ANKRD17: variants seen among roughly 807,000 people sequenced by gnomAD.
ANKRD17 encodes ankyrin repeat domain 17.
Under a neutral mutation model 229.7 loss-of-function variants are expected in ANKRD17, and 19 were observed. That is an observed-to-expected ratio of 0.08 (90% confidence interval 0.06 to 0.12). The LOEUF (loss-of-function observed/expected upper bound fraction) is 0.12. Ranked by LOEUF, ANKRD17 falls within the 10% of genes least tolerant of loss-of-function variation. The pLI, the probability that ANKRD17 is intolerant of heterozygous loss-of-function variation, is 1.00. For synonymous variants in ANKRD17, 1,112 were observed against 1,146.1 expected (o/e 0.97, Z 0.60); for missense variants, 2,176 against 3,176.8 (o/e 0.68, Z 7.57).
intron 30 of ANKRD17, among the ~76,000 whole-genome samples, chr4:73,083,973 TATAACTTCCTTAAGGG>T (rs1005492106): frequency 1.3e-5 from 2 of 151,474 alleles, no homozygotes; most frequent in Non-Finnish European, 2.9e-5. Context: ...GAAGTCTTAC[TATAACTTCCTTAAGGG>T]ATAAGCAATT....
chr4:73,235,846 G>A (rs899168657), intron 1 of ANKRD17, among the ~76,000 whole-genome samples: 1 of 151,652 alleles, frequency 6.6e-6, no homozygotes. Context: ...GGGAAGGTTC[G>A]TAATGATTTA....
chr4:73,085,367 T>C lies in ANKRD17; in HGVS notation c.7041A>G (p.Ser2347=). The change falls in exon 30 of 34, where the codon TCA becomes TCG. Residue 2347 remains serine (S), a synonymous_variant. Coordinates refer to ENST00000358602, the MANE Select transcript of ANKRD17 (RefSeq NM_032217.5). ...CCCCAGGTCCGTACATCTGACCTCC[T>C]GAAATGTTTGAAGCAAAGTTTCCCA... is the stretch of plus-strand genomic sequence containing the variant. ...THLGNFASNI[S]GGQMYGPGAP... is the part of the protein sequence containing the mutation. The C allele has an allele frequency of 6.2e-7, 1 of 1,614,128 alleles. No individual in the cohort carries two copies. Among genetic ancestry groups the C allele is most frequent in the Non-Finnish European group, 8.5e-7 (1 of 1,180,020 alleles).
chr4:73,201,699 T>C (rs538690552), intron 1 of ANKRD17, among the ~76,000 whole-genome samples: 66 of 152,320 alleles, frequency 4.3e-4, no homozygotes, highest in African/African-American at 1.5e-3. Context: ...TTCCATGTCA[T>C]TCCTAAAGAG....
rs56986647 is a variant in ANKRD17 at position 73,125,732 on chromosome 4, C to CA, written c.3235-421dup. 8.8e-3 allele frequency among the ~76,000 whole-genome samples: 595 copies of CA among 67,948 alleles called. 2 individuals carry two copies. Among genetic ancestry groups the CA allele is most frequent in the South Asian group, 0.022 (36 of 1,674 alleles). 44.6% of individuals were successfully genotyped at this position (67,948 alleles called of 152,430 possible). On this transcript the variant is annotated intron_variant, in intron 16 of 33. Coordinates refer to ENST00000358602, the MANE Select transcript of ANKRD17 (RefSeq NM_032217.5). The stretch of plus-strand genomic sequence containing the variant: ...TGGGTGACAAAGCGAGACTCCGTCT[C>CA]AAAAAAAAAAAAAAAAAGAAAAGAA...
chr4:73,097,979 G>T, intron 26 of ANKRD17, 94 bp downstream of exon 26: 1 of 1,178,296 alleles, frequency 8.5e-7, no homozygotes. Flanking sequence ...ATCCTATTTT[G>T]CAAGTTGCAA....
chr4:73,186,977 C>CACAT (rs1736383735), intron 1 of ANKRD17, among the ~76,000 whole-genome samples: 1 of 151,864 alleles, frequency 6.6e-6, no homozygotes, highest in African/African-American at 2.4e-5. Context: ...CACACACACA[C>CACAT]ATATATACAC....
intron 20 of ANKRD17, among the ~76,000 whole-genome samples, chr4:73,120,541 C>CAAA (rs34780921): frequency 4.2e-5 from 5 of 118,046 alleles, no homozygotes; most frequent in African/African-American, 1.3e-4. Flanking sequence ...AACGGTATTG[C>CAAA]AAAAAAAAAA....
chr4:73,244,619 T>C (rs1329932896), intron 1 of ANKRD17, among the ~76,000 whole-genome samples: 3 of 152,190 alleles, frequency 2.0e-5, no homozygotes, highest in Non-Finnish European at 4.4e-5. Context: ...CCTGAAGGTC[T>C]ACCTCTGGAG....
chr4:73,144,541 C>T (rs1425152306), intron 11 of ANKRD17, among the ~76,000 whole-genome samples: 1 of 152,140 alleles, frequency 6.6e-6, no homozygotes, highest in Non-Finnish European at 1.5e-5. Context: ...AAGTGTGCTA[C>T]TTGGTATGAC....
chr4:73,246,435 C>T (rs1257091777), intron 1 of ANKRD17, among the ~76,000 whole-genome samples: 1 of 152,076 alleles, frequency 6.6e-6, no homozygotes. Context: ...TCACTTGGAG[C>T]TGTATGTAGT....
intron 24 of ANKRD17, among the ~76,000 whole-genome samples, chr4:73,111,827 T>C (rs1243629001): frequency 6.6e-6 from 1 of 152,226 alleles, no homozygotes; most frequent in Non-Finnish European, 1.5e-5. Flanking sequence ...GAACATTTAT[T>C]CATTCAACAA....
chr4:73,084,157 A>G (rs28649614), intron 30 of ANKRD17, among the ~76,000 whole-genome samples: 148,973 of 152,174 alleles, frequency 0.98, 72,986 homozygotes, highest in East Asian at 1. Context: ...CGAGGTGGGC[A>G]GATCATGAGA....
intron 1 of ANKRD17, among the ~76,000 whole-genome samples, chr4:73,229,556 C>CA (rs955060799): frequency 5.4e-5 from 8 of 149,322 alleles, no homozygotes; most frequent in African/African-American, 7.4e-5. Context: ...AAATCCTTAT[C>CA]AAAAAAAACA....
chr4:73,179,488 G>GTATATA (rs1169079744), intron 1 of ANKRD17, among the ~76,000 whole-genome samples: 38 of 48,206 alleles, frequency 7.9e-4, no homozygotes, highest in South Asian at 6.3e-3. Flanking sequence ...GTGTGTGTGT[G>GTATATA]TATATATATA....
intron 1 of ANKRD17, among the ~76,000 whole-genome samples, chr4:73,235,472 C>A (rs1431457353): frequency 6.6e-6 from 1 of 152,188 alleles, no homozygotes; most frequent in Admixed American, 6.5e-5. Flanking sequence ...CTAATGAGGT[C>A]CTTTTGTTCC....
chr4:73,253,476 T>G (rs1189528907), intron 1 of ANKRD17, among the ~76,000 whole-genome samples: 1 of 152,242 alleles, frequency 6.6e-6, no homozygotes, highest in Non-Finnish European at 1.5e-5. Context: ...TATTAACTCA[T>G]TTAACTCTCA....
At chr4:73,206,746 A>T (rs763502179) in intron 1 of ANKRD17, among the ~76,000 whole-genome samples, 1 of 152,336 alleles carries the variant, frequency 6.6e-6, no homozygotes, top group South Asian at 2.1e-4. Context: ...AAGAAGAAGA[A>T]GTTCAAGAGA....
intron 16 of ANKRD17, among the ~76,000 whole-genome samples, chr4:73,130,040 C>G (rs1270729600): frequency 1.3e-5 from 2 of 151,832 alleles, no homozygotes; most frequent in Non-Finnish European, 2.9e-5. Flanking sequence ...GCTGGGATTA[C>G]AGGTGTGAGC....
chr4:73,123,918 G>C (rs1291703181), intron 18 of ANKRD17, among the ~76,000 whole-genome samples: 1 of 151,770 alleles, frequency 6.6e-6, no homozygotes, highest in Non-Finnish European at 1.5e-5. Context: ...CATAAAGGGT[G>C]AAACAGTCAC....
Sources: allele counts gnomAD v4.1 joint callset (sites outside exome capture counted in the v4.1 genomes callset), GRCh38; gene constraint gnomAD v4.1.1; transcripts MANE v1.5; gene names NCBI Gene and HGNC (gene_info 2026-07-23, HGNC 2026-07-21).